LOC128092252: variants seen among roughly 807,000 people sequenced by gnomAD.
chr15:50,672,682 G>A, the LOC128092252 span, among the ~76,000 whole-genome samples: 2 of 151,946 alleles, frequency 1.3e-5, no homozygotes, highest in African/African-American at 4.8e-5. Flanking sequence ...GGCTGAGGCA[G>A]GCGGATCATC....
At chr15:50,679,008 G>C in the LOC128092252 span, among the ~76,000 whole-genome samples, 1 of 152,088 alleles carries the variant, frequency 6.6e-6, no homozygotes, top group South Asian at 2.1e-4. Flanking sequence ...CGAGTAGCTG[G>C]GACTACAGGT....
the LOC128092252 span, among the ~76,000 whole-genome samples, chr15:50,675,218 C>T: frequency 6.6e-6 from 1 of 152,066 alleles, no homozygotes; most frequent in African/African-American, 2.4e-5. Flanking sequence ...TGGCGGGCAC[C>T]TGTAACCTCA....
At chr15:50,680,003 G>C in the LOC128092252 span, among the ~76,000 whole-genome samples, 1 of 150,454 alleles carries the variant, frequency 6.6e-6, no homozygotes, top group East Asian at 2.0e-4. Context: ...GGGGGCCAAG[G>C]TGGGTGGATC....
At chr15:50,661,441 T>C in the LOC128092252 span, among the ~76,000 whole-genome samples, 1 of 152,220 alleles carries the variant, frequency 6.6e-6, no homozygotes, top group African/African-American at 2.4e-5. Flanking sequence ...ATTGAAACTC[T>C]ACGTATTGCT....
At chr15:50,664,737 G>A in the LOC128092252 span, among the ~76,000 whole-genome samples, 6 of 152,108 alleles carry the variant, frequency 3.9e-5, no homozygotes, top group African/African-American at 1.2e-4. Flanking sequence ...GAGGCAGGAA[G>A]ATGGCTTGAG....
At chr15:50,662,753 T>C in the LOC128092252 span, among the ~76,000 whole-genome samples, 2 of 152,194 alleles carry the variant, frequency 1.3e-5, no homozygotes, top group African/African-American at 4.8e-5. Flanking sequence ...GAAGAGATTG[T>C]ATGCTGTAAA....
the LOC128092252 span, among the ~76,000 whole-genome samples, chr15:50,653,126 A>T: frequency 6.6e-6 from 1 of 152,140 alleles, no homozygotes; most frequent in Non-Finnish European, 1.5e-5. Context: ...TCTGGGCCAC[A>T]GAGTGAGACC....
the LOC128092252 span, among the ~76,000 whole-genome samples, chr15:50,662,194 A>T: frequency 1.3e-5 from 2 of 152,282 alleles, no homozygotes; most frequent in East Asian, 1.9e-4. Context: ...TCTACTAAAA[A>T]TACAAAAATT....
At chr15:50,655,439 A>T in the LOC128092252 span, among the ~76,000 whole-genome samples, 2 of 148,316 alleles carry the variant, frequency 1.3e-5, no homozygotes, top group South Asian at 2.2e-4. Context: ...TCTCAAAGGA[A>T]AAAAAAAACA....
At chr15:50,673,079 TA>T in the LOC128092252 span, among the ~76,000 whole-genome samples, 2 of 145,606 alleles carry the variant, frequency 1.4e-5, no homozygotes, top group Non-Finnish European at 1.5e-5. Context: ...TATTATTGAA[TA>T]AAAAAATACT....
chr15:50,682,173 CAAAAA>C, the LOC128092252 span, among the ~76,000 whole-genome samples: 8 of 63,678 alleles, frequency 1.3e-4, no homozygotes, highest in Middle Eastern at 0.014. Context: ...AACTCAGTCT[CAAAAA>C]AAAAAAAAAA....
the LOC128092252 span, among the ~76,000 whole-genome samples, chr15:50,650,610 G>A: frequency 3.3e-5 from 5 of 151,568 alleles, no homozygotes; most frequent in African/African-American, 9.7e-5. Flanking sequence ...CAGGAGAATC[G>A]CTTGAACCTG....
the LOC128092252 span, among the ~76,000 whole-genome samples, chr15:50,653,821 A>G: frequency 6.6e-6 from 1 of 152,286 alleles, no homozygotes; most frequent in Admixed American, 6.5e-5. Flanking sequence ...TGTATCTGTG[A>G]GAGATTCTGT....
chr15:50,666,070 A>G, the LOC128092252 span, among the ~76,000 whole-genome samples: 1 of 152,202 alleles, frequency 6.6e-6, no homozygotes, highest in African/African-American at 2.4e-5. Context: ...GAAAGAATAA[A>G]GTCAAAGGAA....
the LOC128092252 span, among the ~76,000 whole-genome samples, chr15:50,664,367 A>G: frequency 6.6e-6 from 1 of 151,838 alleles, no homozygotes; most frequent in South Asian, 2.1e-4. Flanking sequence ...GCTACATTCC[A>G]TTTCTAATAT....
At chr15:50,650,911 G>A in the LOC128092252 span, among the ~76,000 whole-genome samples, 5 of 152,278 alleles carry the variant, frequency 3.3e-5, no homozygotes, top group African/African-American at 4.8e-5. Flanking sequence ...GACATTGGCC[G>A]GGCGTGGTAG....
At chr15:50,673,592 G>A in the LOC128092252 span, among the ~76,000 whole-genome samples, 1 of 152,036 alleles carries the variant, frequency 6.6e-6, no homozygotes, top group African/African-American at 2.4e-5. Flanking sequence ...CACTGTGAAT[G>A]CCATTAATTC....
At chr15:50,663,186 T>C in the LOC128092252 span, 3 of 637,184 alleles carry the variant, frequency 4.7e-6, 1 homozygote, top group Non-Finnish European at 2.7e-6. Flanking sequence ...TGGAGAGCAA[T>C]GGTGTGATCT....
chr15:50,673,634 G>GTATATATATA, the LOC128092252 span, among the ~76,000 whole-genome samples: 14 of 150,316 alleles, frequency 9.3e-5, no homozygotes, highest in African/African-American at 3.4e-4. Context: ...GTATTCCCTC[G>GTATATATATA]TATATATATA....
Sources: gnomAD v4.1 joint callset for allele counts (sites outside exome capture counted in the v4.1 genomes callset) on GRCh38, gnomAD v4.1.1 for gene constraint, MANE v1.5 for transcripts.